Variants in THAP8 observed in about 807,000 individuals in gnomAD.
The protein encoded by THAP8 is THAP domain-containing protein 8.
In THAP8, 24 loss-of-function variants were observed where a neutral mutation model predicts 25.0. The observed-to-expected ratio is 0.96, with a 90% CI of 0.69 to 1.35. The LOEUF (loss-of-function observed/expected upper bound fraction) is 1.35, where lower values mean the gene tolerates loss of function less well. Ranked by LOEUF, THAP8 falls within the 40% of genes most tolerant of loss-of-function variation. THAP8 has a pLI of 0.00. For missense variants in THAP8, 399 were observed against 368.8 expected, an observed-to-expected ratio of 1.08 and a Z score of -0.67; for synonymous variants, 169 against 157.6, an observed-to-expected ratio of 1.07 and a Z score of -0.54.
At position 36,045,690 on chromosome 19, in the gene THAP8, G is replaced by A. The variant is rs140506339; in HGVS notation, c.84-5554C>T. 3 of 455,242 alleles carry A rather than the reference G, an allele frequency of 6.6e-6. No homozygotes were observed. The East Asian group carries it at 2.1e-4, about 32-fold the overall frequency. 28.2% of individuals were successfully genotyped at this position (455,242 alleles called of 1,614,324 possible). A position where few individuals can be genotyped will look rare whatever the true frequency, so the allele number is the denominator to read the frequency against. On this transcript the variant is annotated intron_variant, in intron 1 of 3. Transcript: ENST00000292894. ...ACAAGTATCCTTTTAATAAGAGGGA[G>A]GAGAATATATTACCACAGAAAAGAA...
rs558103031 is a variant in THAP8 at position 36,041,141 on chromosome 19, A to C, written c.84-1005T>G. On this transcript the variant is annotated intron_variant, in intron 1 of 3. Transcript: ENST00000292894. The stretch of plus-strand genomic sequence containing the variant: ...GCCTGGGCAACATAGGGAGACCTCG[A>C]CTCTACAAAAAAAAAAAAAAATTAG... 2.7e-5 allele frequency among the ~76,000 whole-genome samples: 4 copies of C among 147,062 alleles called. No individual in the cohort carries two copies. The South Asian group carries it at 8.6e-4, about 32-fold the overall frequency.
At chr19:36,046,541 G>T (rs1384292032) in intron 1 of THAP8, among the ~76,000 whole-genome samples, 1 of 152,138 alleles carries the variant, frequency 6.6e-6, no homozygotes, top group African/African-American at 2.4e-5. Context: ...GCACAGAAAG[G>T]CTGACTCAGA....
At chr19:36,049,384 T>C (rs1392345370) in intron 1 of THAP8, among the ~76,000 whole-genome samples, 1 of 148,028 alleles carries the variant, frequency 6.8e-6, no homozygotes, top group Non-Finnish European at 1.5e-5. Context: ...AAAGAGAGAG[T>C]GAACTAATGA....
chr19:36,038,668 G>A (rs1363835758), intron 3 of THAP8, among the ~76,000 whole-genome samples: 5 of 152,158 alleles, frequency 3.3e-5, no homozygotes, highest in African/African-American at 4.8e-5. Flanking sequence ...TGGCTAACAC[G>A]GTGAAACCCT....
chr19:36,035,866 G>A (rs192963679), intron 3 of THAP8, among the ~76,000 whole-genome samples: 4 of 152,126 alleles, frequency 2.6e-5, no homozygotes, highest in East Asian at 1.9e-4. Flanking sequence ...GCAGACAGAC[G>A]TACAGACAGG....
At chr19:36,048,861 A>AC (rs1379669715) in intron 1 of THAP8, among the ~76,000 whole-genome samples, 4 of 148,488 alleles carry the variant, frequency 2.7e-5, no homozygotes, top group Non-Finnish European at 5.9e-5. Flanking sequence ...AAAAAACAAA[A>AC]AAACAAAAAA....
chr19:36,039,257 A>C (rs1009421225), intron 3 of THAP8, 66 bp downstream of exon 3: 6 of 1,397,694 alleles, frequency 4.3e-6, no homozygotes, highest in Non-Finnish European at 5.5e-6. Flanking sequence ...CCTAGACAAA[A>C]TGAAAACACA....
At chr19:36,037,480 G>C (rs1341498991) in intron 3 of THAP8, among the ~76,000 whole-genome samples, 1 of 152,102 alleles carries the variant, frequency 6.6e-6, no homozygotes, top group Non-Finnish European at 1.5e-5. Flanking sequence ...CAGGCAGGAA[G>C]CTCTCACAGG....
intron 1 of THAP8, among the ~76,000 whole-genome samples, chr19:36,045,498 G>C (rs1411853658): frequency 2.0e-5 from 3 of 151,924 alleles, no homozygotes; most frequent in African/African-American, 4.8e-5. Context: ...CAAACTCCTG[G>C]GCTCAAGCAA....
In THAP8 at chr19:36,037,343, T is replaced by TACACACACACACACAC. The variant is rs58349186; in HGVS notation, c.673-1767_673-1752dup. On this transcript the variant is annotated intron_variant, in intron 3 of 3. Transcript: ENST00000292894. ...AAACACCTTCCTCAAATTCCTCCCC[T>TACACACACACACACAC]ACACACACACACACACACACACACA... 3.0e-3 allele frequency among the ~76,000 whole-genome samples: 343 copies of TACACACACACACACAC among 114,784 alleles called. 7 individuals are homozygous for TACACACACACACACAC. The highest frequency in any genetic ancestry group is 0.01 in the African/African-American group (310 of 30,250). The allele number at this position is 114,784 out of a possible 152,430, so 75.3% of individuals were successfully genotyped here.
intron 1 of THAP8, among the ~76,000 whole-genome samples, chr19:36,048,457 C>T (rs1197765996): frequency 1.3e-5 from 2 of 151,956 alleles, no homozygotes; most frequent in African/African-American, 4.8e-5. Context: ...CCTCCGCCTC[C>T]CAGGTTCAAG....
At position 36,039,506 on chromosome 19, in the gene THAP8, T is replaced by C; in HGVS notation, c.489A>G (p.Glu163=). 2 of 1,580,734 alleles carry C rather than the reference T, an allele frequency of 1.3e-6. No individual in the cohort carries two copies. Among genetic ancestry groups the C allele is most frequent in the Admixed American group, 3.6e-5 (2 of 55,402 alleles). The change falls in exon 3 of 4, where the codon GAA becomes GAG. Residue 163 remains glutamate, a synonymous_variant. Transcript: ENST00000292894. ...CGGTCTGGGCCTGTTGGGCAGGGAC[T>C]TCAGGTTGTGACCGCTCAGGAGTTG... ...PAPTPERSQP[E]VPAQQAQTGL...
intron 1 of THAP8, among the ~76,000 whole-genome samples, chr19:36,053,361 C>A (rs1213301074): frequency 1.0e-5 from 1 of 98,752 alleles, no homozygotes; most frequent in African/African-American, 4.4e-5. Flanking sequence ...AGCCACCAAG[C>A]CTGGCAAAAA....
intron 1 of THAP8, 36 bp downstream of exon 1, chr19:36,054,099 C>T (rs375076838): frequency 1.3e-6 from 2 of 1,599,738 alleles, no homozygotes; most frequent in African/African-American, 2.7e-5. Flanking sequence ...TCTCAGGGTC[C>T]CGCCTCCCTC....
At position 36,035,555 on chromosome 19, in the gene THAP8, G is replaced by C. The variant is rs767464139; in HGVS notation, c.710C>G (p.Thr237Ser). The change falls in exon 4 of 4, where the codon ACC becomes AGC. Residue 237 changes from threonine (T) to serine (S), a missense_variant. Transcript: ENST00000292894. ...AGGCCCTCCACAGATGATGGTGAAG[G>C]TTTGGGATTCCTCAGGTCCAAGGGT... ...AQTLGPEESQ[T>S]FTIICGGPDI... 1 of 1,614,158 alleles carries C rather than the reference G, an allele frequency of 6.2e-7. No homozygotes were observed. Among genetic ancestry groups the C allele is most frequent in the Non-Finnish European group, 8.5e-7 (1 of 1,180,028 alleles).
chr19:36,036,714 G>A (rs189490205), intron 3 of THAP8, among the ~76,000 whole-genome samples: 1 of 152,230 alleles, frequency 6.6e-6, no homozygotes, highest in African/African-American at 2.4e-5. Context: ...GCCGAGGTGG[G>A]CTGATTACCT....
At chr19:36,051,462 G>A (rs1415027798) in intron 1 of THAP8, among the ~76,000 whole-genome samples, 1 of 152,110 alleles carries the variant, frequency 6.6e-6, no homozygotes, top group Non-Finnish European at 1.5e-5. Context: ...CCCTCTGGCT[G>A]CAAGCAGGGA....
At chr19:36,036,689 C>T (rs1969460149) in intron 3 of THAP8, among the ~76,000 whole-genome samples, 1 of 151,998 alleles carries the variant, frequency 6.6e-6, no homozygotes, top group Non-Finnish European at 1.5e-5. Context: ...ACCTGTAATC[C>T]CAGCACTATA....
In THAP8 at chr19:36,040,002, A is replaced by G. The variant is rs1969632333; in HGVS notation, c.218T>C (p.Val73Ala). The change falls in exon 2 of 4, where the codon GTG (valine) becomes GCG (alanine). Residue 73 changes from valine (V) to alanine (A), a missense_variant. By Grantham distance (64) the Val-to-Ala change is moderately conservative. Transcript: ENST00000292894. ...CACTGCATCAGGCCGCAGGTAGCGC[A>G]CACCCCAGCGCCACTGGAAGCAGGA... The part of the protein sequence containing the change: ...TPSCFQWRWG[V>A]RYLRPDAVPS... 3 of 1,613,596 alleles carry G rather than the reference A, an allele frequency of 1.9e-6. No homozygotes were observed. Among genetic ancestry groups the G allele is most frequent in the Non-Finnish European group, 2.5e-6 (3 of 1,179,962 alleles).
Sources: allele counts gnomAD v4.1 joint callset (sites outside exome capture counted in the v4.1 genomes callset), GRCh38; gene constraint gnomAD v4.1.1; transcripts MANE v1.5; gene names NCBI Gene and HGNC (gene_info 2026-07-23, HGNC 2026-07-21).